The following ABCD3 variants were observed in gnomAD, a reference collection of about 807,000 sequenced individuals.
ABCD3 encodes ATP-binding cassette sub-family D member 3.
ABCD3 carries 41 observed loss-of-function variants against 105.5 expected under a neutral mutation model. The ratio of observed to expected loss-of-function variants is 0.39; its 90% CI spans 0.30 to 0.50. The LOEUF (loss-of-function observed/expected upper bound fraction) is 0.50, where lower values mean the gene tolerates loss of function less well. Ranked by LOEUF, ABCD3 falls within the 20% of genes least tolerant of loss-of-function variation. The probability of loss-of-function intolerance (pLI) is 0.84; values close to 1 mark genes in which losing one functional copy is unlikely to be tolerated. For missense variants in ABCD3, 622 were observed against 806.3 expected, an observed-to-expected ratio of 0.77 and a Z score of 2.77; for synonymous variants, 258 against 269.0, an observed-to-expected ratio of 0.96 and a Z score of 0.40.
At chr1:94,422,801 C>T (rs1659310070) in intron 1 of ABCD3, among the ~76,000 whole-genome samples, 1 of 152,160 alleles carries the variant, frequency 6.6e-6, no homozygotes, top group African/African-American at 2.4e-5. Context: ...TATAACCTGA[C>T]CTGGGTAGTG....
chr1:94,475,533 G>T, intron 6 of ABCD3, 81 bp from the exon 7 acceptor site: 1 of 1,419,948 alleles, frequency 7.0e-7, no homozygotes, highest in Non-Finnish European at 9.9e-7. Flanking sequence ...TTTGAGCTAG[G>T]TGGTGTAATA....
At chr1:94,415,104 G>C (rs1432143915), upstream of ABCD3, among the ~76,000 whole-genome samples, 1 of 152,196 alleles carries the variant, frequency 6.6e-6, no homozygotes, top group African/African-American at 2.4e-5. Context: ...TTCCCCAAGA[G>C]CAAGCAATCC....
chr1:94,460,582 A>G (rs1368825857), intron 2 of ABCD3, among the ~76,000 whole-genome samples: 1 of 152,174 alleles, frequency 6.6e-6, no homozygotes, highest in East Asian at 1.9e-4. Flanking sequence ...CATATCAGCT[A>G]GTATGCTAGT....
intron 21 of ABCD3, 64 bp from the exon 22 acceptor site, chr1:94,515,082 A>G (rs375254151): frequency 1.1e-4 from 142 of 1,262,660 alleles, no homozygotes; most frequent in Non-Finnish European, 1.6e-4. Flanking sequence ...AGCTTAAAGT[A>G]CATGGACTAG....
the ABCD3 span, among the ~76,000 whole-genome samples, chr1:94,408,420 T>TAA: frequency 4.8e-5 from 7 of 146,446 alleles, no homozygotes; most frequent in South Asian, 2.1e-4. Flanking sequence ...CCATCTCTAC[T>TAA]AAAAAAATCC....
intron 4 of ABCD3, among the ~76,000 whole-genome samples, chr1:94,472,745 T>C (rs1648547135): frequency 6.6e-6 from 1 of 152,212 alleles, no homozygotes; most frequent in Admixed American, 6.5e-5. Context: ...ATTTCTCTAG[T>C]CATATACTAG....
the ABCD3 span, among the ~76,000 whole-genome samples, chr1:94,403,807 A>G: frequency 6.6e-6 from 1 of 152,126 alleles, no homozygotes; most frequent in Non-Finnish European, 1.5e-5. Flanking sequence ...CTAAATATTC[A>G]TCTTATACCT....
rs1041043 is a variant in ABCD3 at position 94,517,594 on chromosome 1, T to C, written c.*465T>C. On this transcript the variant is annotated 3_prime_UTR_variant, in exon 23 of 23. Transcript: ENST00000370214. The stretch of plus-strand genomic sequence containing the variant: ...TGTGGTAGTTGGAAACAAATCATAA[T>C]GTATTATTTAAATGTTTAACATCAT... 8.1e-3 allele frequency: 1,464 copies of C among 181,582 alleles called. 25 individuals are homozygous for C. The highest frequency in any genetic ancestry group is 0.033 in the African/African-American group (1,398 of 41,756). 11.2% of individuals were successfully genotyped at this position (181,582 alleles called of 1,614,324 possible).
the ABCD3 span, among the ~76,000 whole-genome samples, chr1:94,405,957 C>A: frequency 6.7e-6 from 1 of 150,056 alleles, no homozygotes; most frequent in Admixed American, 6.6e-5. Context: ...TCAATTTTTT[C>A]TTTTAGTGCA....
chr1:94,446,766 T>C (rs1430629336), intron 1 of ABCD3, among the ~76,000 whole-genome samples: 3 of 152,192 alleles, frequency 2.0e-5, no homozygotes, highest in East Asian at 3.9e-4. Flanking sequence ...CCTGTTCAAT[T>C]TAACATAGTT....
chr1:94,395,325 A>G, the ABCD3 span, among the ~76,000 whole-genome samples: 1 of 152,206 alleles, frequency 6.6e-6, no homozygotes. Flanking sequence ...AGATATAGGA[A>G]AACCAGAAGA....
chr1:94,513,117 A>G (rs1386998926), intron 21 of ABCD3, among the ~76,000 whole-genome samples: 1 of 152,126 alleles, frequency 6.6e-6, no homozygotes, highest in Non-Finnish European at 1.5e-5. Flanking sequence ...TTCTTTGTAG[A>G]AAGATTTTAA....
Position 94,453,939 on chromosome 1 carries a change from TC to T in ABCD3, c.111-4667del, listed in dbSNP as rs895751318. On this transcript the variant is annotated intron_variant, in intron 1 of 22. Transcript: ENST00000370214. ...TTTGGTTGGATGCTTGTATTATTAA[TC>T]TTTTTTTTTTTCATTTTTTATTGAA... Among the ~76,000 whole-genome samples the T allele has an allele frequency of 5.1e-5, 6 of 117,298 alleles. No individual in the cohort carries two copies. The East Asian group carries it at 1.0e-3, about 20-fold the overall frequency. 77.0% of individuals were successfully genotyped at this position (117,298 alleles called of 152,430 possible). A position where few individuals can be genotyped will look rare whatever the true frequency, so the allele number is the denominator to read the frequency against.
At chr1:94,447,725 TTTA>T (rs1383504844) in intron 1 of ABCD3, among the ~76,000 whole-genome samples, 31 of 152,320 alleles carry the variant, frequency 2.0e-4, no homozygotes, top group African/African-American at 7.5e-4. Flanking sequence ...CTAGTGCTGG[TTTA>T]ATTATAGCTC....
intron 1 of ABCD3, among the ~76,000 whole-genome samples, chr1:94,451,682 C>T (rs954301140): frequency 2.0e-5 from 3 of 152,134 alleles, no homozygotes; most frequent in African/African-American, 4.8e-5. Context: ...ACTTAGCTTA[C>T]GGGATGTGAA....
the ABCD3 span, among the ~76,000 whole-genome samples, chr1:94,403,878 A>G: frequency 2.6e-5 from 4 of 152,194 alleles, no homozygotes; most frequent in South Asian, 8.3e-4. Flanking sequence ...TTTTAGTGGT[A>G]AATGGTGTTA....
At chr1:94,504,533 A>G (rs978590106) in intron 20 of ABCD3, among the ~76,000 whole-genome samples, 1 of 152,194 alleles carries the variant, frequency 6.6e-6, no homozygotes, top group Non-Finnish European at 1.5e-5. Context: ...AGACATCAGA[A>G]AAGAATGATG....
chr1:94,417,784 G>A (rs1331609475), upstream of ABCD3, among the ~76,000 whole-genome samples: 3 of 152,176 alleles, frequency 2.0e-5, no homozygotes, highest in African/African-American at 7.2e-5. Flanking sequence ...AAAAACGGAG[G>A]GTGATGATCC....
chr1:94,453,189 C>T (rs909512039), intron 1 of ABCD3, among the ~76,000 whole-genome samples: 10 of 152,052 alleles, frequency 6.6e-5, no homozygotes, highest in Non-Finnish European at 1.0e-4. Context: ...TAGAACTCCC[C>T]GGTAAATCGT....
Sources: gnomAD v4.1 joint callset for allele counts (sites outside exome capture counted in the v4.1 genomes callset) on GRCh38, gnomAD v4.1.1 for gene constraint, MANE v1.5 for transcripts, NCBI Gene and HGNC (gene_info 2026-07-23, HGNC 2026-07-21) for gene names.